Variants in ARHGEF26 observed in about 807,000 individuals in gnomAD.
The protein encoded by ARHGEF26 is Rho guanine nucleotide exchange factor 26, also known as Rho guanine nucleotide exchange factor (GEF) 26.
In ARHGEF26, 59 loss-of-function variants were observed where a neutral mutation model predicts 89.4. That is an observed-to-expected ratio of 0.66 (90% CI 0.54 to 0.82). The LOEUF (loss-of-function observed/expected upper bound fraction) is 0.82, where lower values mean the gene tolerates loss of function less well. ARHGEF26 is among the 40% of genes least tolerant of loss of function. ARHGEF26 has a pLI of 0.00. For missense variants in ARHGEF26, 1,234 were observed against 1,085.6 expected (o/e 1.14, Z -1.92); for synonymous variants, 500 against 428.4 (o/e 1.17, Z -2.06).
At chr3:154,180,359 G>T (rs1426396227) in intron 6 of ARHGEF26, among the ~76,000 whole-genome samples, 2 of 151,984 alleles carry the variant, frequency 1.3e-5, no homozygotes, top group Non-Finnish European at 2.9e-5. Flanking sequence ...CGCCCTTTGT[G>T]TTTTTGCCAA....
intron 9 of ARHGEF26, among the ~76,000 whole-genome samples, chr3:154,198,304 T>G (rs1278262067): frequency 2.0e-5 from 3 of 152,072 alleles, no homozygotes; most frequent in Non-Finnish European, 4.4e-5. Flanking sequence ...ACAACCAATA[T>G]GGAAAACAGT....
intron 9 of ARHGEF26, among the ~76,000 whole-genome samples, chr3:154,197,446 T>C (rs1254121741): frequency 6.6e-6 from 1 of 151,950 alleles, no homozygotes; most frequent in Non-Finnish European, 1.5e-5. Flanking sequence ...AAATTGGGAG[T>C]TCCCAATATT....
intron 9 of ARHGEF26, among the ~76,000 whole-genome samples, chr3:154,202,344 G>T (rs1477171788): frequency 1.3e-5 from 2 of 152,080 alleles, no homozygotes; most frequent in East Asian, 3.9e-4. Flanking sequence ...TGAGGGCTCT[G>T]TTCTGTTCCC....
chr3:154,239,323 T>A (rs1367881602), intron 11 of ARHGEF26, among the ~76,000 whole-genome samples: 3 of 148,334 alleles, frequency 2.0e-5, no homozygotes, highest in East Asian at 2.0e-4. Context: ...TGTGTGTGTG[T>A]GTGTGTGTGT....
At chr3:154,197,113 A>G (rs386893) in intron 9 of ARHGEF26, among the ~76,000 whole-genome samples, 76,322 of 151,818 alleles carry the variant, frequency 0.5, 19,481 homozygotes, top group Non-Finnish European at 0.55. Flanking sequence ...CCTTGATACT[A>G]TAAGTATACA....
At chr3:154,170,191 A>G (rs1312863833) in intron 6 of ARHGEF26, among the ~76,000 whole-genome samples, 1 of 152,042 alleles carries the variant, frequency 6.6e-6, no homozygotes, top group Non-Finnish European at 1.5e-5. Flanking sequence ...GTGAAACCCC[A>G]TCTCTACAAA....
rs753038585 is a variant in ARHGEF26 at position 154,122,282 on chromosome 3, C to G, written c.290C>G (p.Ala97Gly). ...QRRAVANGGT[A>G]SPEYRAASPR... ...AGAGCGGTGGCCAATGGTGGGACGG[C>G]ATCCCCGGAGTACAGGGCTGCCTCT... Residue 97 changes from alanine to glycine, a missense_variant, in exon 2 of 15, where the codon GCA becomes GGA. Coordinates refer to ENST00000465093, the MANE Select transcript of ARHGEF26 (RefSeq NM_015595.4). 10 of 1,612,406 alleles carry G rather than the reference C, an allele frequency of 6.2e-6. No individual in the cohort carries two copies. In the African/African-American group the frequency reaches 1.1e-4, roughly 17 times the overall value.
At chr3:154,201,357 T>G (rs1267654872) in intron 9 of ARHGEF26, among the ~76,000 whole-genome samples, 1 of 152,166 alleles carries the variant, frequency 6.6e-6, no homozygotes, top group Non-Finnish European at 1.5e-5. Flanking sequence ...GGCTGCATGG[T>G]ATTCCATGGT....
At chr3:154,154,504 A>G (rs921901244) in intron 6 of ARHGEF26, among the ~76,000 whole-genome samples, 1 of 152,074 alleles carries the variant, frequency 6.6e-6, no homozygotes, top group Non-Finnish European at 1.5e-5. Context: ...TTATACCTCA[A>G]TAAAGCTTAA....
chr3:154,243,797 G>T lies in ARHGEF26; in HGVS notation c.2300+3218G>T, dbSNP rs1411020723. Among the ~76,000 whole-genome samples the T allele has an allele frequency of 3.9e-5, 5 of 126,978 alleles. No homozygotes were observed. In the South Asian group the frequency reaches 1.0e-3, roughly 26 times the overall value. 83.3% of individuals were successfully genotyped at this position (126,978 alleles called of 152,430 possible). On this transcript the variant is annotated intron_variant, in intron 12 of 14. Coordinates refer to ENST00000465093, the MANE Select transcript of ARHGEF26 (RefSeq NM_015595.4). ...AGTAAATAAATGGACATGCTTTCAA[G>T]ACATAAAATAGTATTGGTGTTGAAA...
chr3:154,250,698 A>G (rs1287737513), intron 12 of ARHGEF26, among the ~76,000 whole-genome samples: 1 of 152,198 alleles, frequency 6.6e-6, no homozygotes, highest in East Asian at 1.9e-4. Context: ...TAGGCTATGT[A>G]TAATTTGTTT....
intron 4 of ARHGEF26, among the ~76,000 whole-genome samples, chr3:154,133,827 A>G (rs905879143): frequency 2.6e-4 from 39 of 152,204 alleles, no homozygotes; most frequent in African/African-American, 8.9e-4. Flanking sequence ...TTTCCTGTCC[A>G]TAAGCATGGA....
At chr3:154,222,417 C>A (rs997359141) in intron 10 of ARHGEF26, among the ~76,000 whole-genome samples, 1 of 152,202 alleles carries the variant, frequency 6.6e-6, no homozygotes, top group Non-Finnish European at 1.5e-5. Context: ...AACTGACCTG[C>A]CTGAGTTGCA....
intron 5 of ARHGEF26, among the ~76,000 whole-genome samples, chr3:154,149,947 A>G (rs1362102228): frequency 6.6e-6 from 1 of 151,502 alleles, no homozygotes; most frequent in Non-Finnish European, 1.5e-5. Flanking sequence ...AAACAGGTTA[A>G]TAATGCAGTT....
intron 10 of ARHGEF26, among the ~76,000 whole-genome samples, chr3:154,223,271 T>A (rs1050277904): frequency 8.5e-5 from 13 of 152,290 alleles, no homozygotes; most frequent in African/African-American, 2.6e-4. Context: ...AAAATCTTTG[T>A]GCTGTAGAGG....
At chr3:154,214,375 A>T (rs1198642911) in intron 9 of ARHGEF26, among the ~76,000 whole-genome samples, 2 of 152,298 alleles carry the variant, frequency 1.3e-5, no homozygotes, top group East Asian at 3.9e-4. Flanking sequence ...TCTGAGCCTG[A>T]GTTCAGTGGC....
At chr3:154,241,225 T>A (rs1364285483) in intron 12 of ARHGEF26, among the ~76,000 whole-genome samples, 1 of 152,218 alleles carries the variant, frequency 6.6e-6, no homozygotes, top group African/African-American at 2.4e-5. Flanking sequence ...TAAAGATGAC[T>A]GACCAATGTT....
At chr3:154,208,193 C>T (rs1715149290) in intron 9 of ARHGEF26, among the ~76,000 whole-genome samples, 1 of 152,104 alleles carries the variant, frequency 6.6e-6, no homozygotes, top group African/African-American at 2.4e-5. Flanking sequence ...ACCACCATGG[C>T]AAATGTTTAC....
intron 10 of ARHGEF26, among the ~76,000 whole-genome samples, chr3:154,224,309 G>C (rs565057596): frequency 6.6e-6 from 1 of 152,234 alleles, no homozygotes; most frequent in South Asian, 2.1e-4. Context: ...TAGATGTATT[G>C]AAAGCTTTTG....
Sources: gnomAD v4.1 joint callset for allele counts (sites outside exome capture counted in the v4.1 genomes callset) on GRCh38, gnomAD v4.1.1 for gene constraint, MANE v1.5 for transcripts, NCBI Gene and HGNC (gene_info 2026-07-23, HGNC 2026-07-21) for gene names.